PLPPR1: variants seen among roughly 807,000 people sequenced by gnomAD.
PLPPR1 encodes the protein phospholipid phosphatase-related protein type 1.
PLPPR1 carries 10 observed loss-of-function variants against 33.1 expected under a neutral mutation model. That is an observed-to-expected ratio of 0.30 (90% CI 0.19 to 0.51). PLPPR1 has a LOEUF of 0.51. Among genes scored for constraint, PLPPR1 ranks in the 20% least tolerant of loss-of-function variants. PLPPR1 has a pLI of 0.97. For missense variants in PLPPR1, 304 were observed against 408.1 expected, an observed-to-expected ratio of 0.74 and a Z score of 2.20; for synonymous variants, 151 against 151.0, an observed-to-expected ratio of 1.00 and a Z score of 0.00.
In PLPPR1 at chr9:101,205,780, T is replaced by C. The variant is rs559723606; in HGVS notation, c.63+20223T>C. ...CCGTATGCCAGGCACTGAAGTGATATCATATTTGAACTCTCCTGTAAATGG... is the reference window on the plus strand; with the variant it reads ...CCGTATGCCAGGCACTGAAGTGATACCATATTTGAACTCTCCTGTAAATGG... On this transcript the variant is annotated intron_variant, in intron 2 of 7. Coordinates refer to ENST00000374874, the MANE Select transcript of PLPPR1 (RefSeq NM_207299.2). 1.2e-4 allele frequency among the ~76,000 whole-genome samples: 18 copies of C among 152,324 alleles called. 1 individual carries two copies. The South Asian group carries it at 3.7e-3, about 32-fold the overall frequency.
intron 2 of PLPPR1, among the ~76,000 whole-genome samples, chr9:101,208,154 A>G (rs1020572074): frequency 1.3e-5 from 2 of 152,182 alleles, no homozygotes; most frequent in South Asian, 2.1e-4. Flanking sequence ...ACTCATTTAT[A>G]TTGGTTCCAG....
intron 2 of PLPPR1, among the ~76,000 whole-genome samples, chr9:101,189,238 G>A (rs757488517): frequency 2.6e-5 from 4 of 152,016 alleles, no homozygotes; most frequent in African/African-American, 4.8e-5. Flanking sequence ...AATCTGAAGG[G>A]GAGAGCTTTC....
chr9:101,122,168 G>A (rs1462505151), intron 1 of PLPPR1, among the ~76,000 whole-genome samples: 1 of 152,176 alleles, frequency 6.6e-6, no homozygotes, highest in Admixed American at 6.5e-5. Flanking sequence ...TTCAGAAGTA[G>A]CATGTGAGCT....
At chr9:101,095,230 AT>A (rs1830802337) in intron 1 of PLPPR1, among the ~76,000 whole-genome samples, 1 of 151,712 alleles carries the variant, frequency 6.6e-6, no homozygotes, top group Non-Finnish European at 1.5e-5. Flanking sequence ...CCAAGATTTT[AT>A]TTGAATAACA....
At chr9:101,032,387 T>C (rs895500969) in intron 1 of PLPPR1, among the ~76,000 whole-genome samples, 11 of 151,942 alleles carry the variant, frequency 7.2e-5, no homozygotes, top group African/African-American at 2.4e-4. Context: ...ATGATGAGGG[T>C]GGTGGCAGTA....
At chr9:101,126,299 A>T (rs1831245926) in intron 1 of PLPPR1, among the ~76,000 whole-genome samples, 1 of 152,202 alleles carries the variant, frequency 6.6e-6, no homozygotes, top group Admixed American at 6.5e-5. Context: ...AATCAGAACC[A>T]ATCATTCCTG....
At chr9:101,044,186 A>G (rs1830117782) in intron 1 of PLPPR1, among the ~76,000 whole-genome samples, 1 of 152,162 alleles carries the variant, frequency 6.6e-6, no homozygotes, top group Non-Finnish European at 1.5e-5. Context: ...ACAAACAAAC[A>G]AACAATACCA....
intron 4 of PLPPR1, among the ~76,000 whole-genome samples, chr9:101,300,481 A>AT (rs1828732865): frequency 6.6e-6 from 1 of 152,210 alleles, no homozygotes; most frequent in South Asian, 2.1e-4. Flanking sequence ...TTATTACATT[A>AT]GAACATAATG....
chr9:101,109,842 T>A (rs1430074589), intron 1 of PLPPR1, among the ~76,000 whole-genome samples: 1 of 152,222 alleles, frequency 6.6e-6, no homozygotes, highest in Non-Finnish European at 1.5e-5. Context: ...TAGCCATATA[T>A]AATATCTGCC....
chr9:101,215,273 C>G (rs1290394535), intron 2 of PLPPR1, among the ~76,000 whole-genome samples: 1 of 151,796 alleles, frequency 6.6e-6, no homozygotes, highest in Non-Finnish European at 1.5e-5. Flanking sequence ...CTACCTGATA[C>G]TAGGTCTTTT....
intron 1 of PLPPR1, among the ~76,000 whole-genome samples, chr9:101,139,253 C>A (rs766664517): frequency 2.0e-5 from 3 of 152,116 alleles, no homozygotes; most frequent in Non-Finnish European, 4.4e-5. Flanking sequence ...ACTTTGGCTG[C>A]GCCTCTACAT....
At chr9:101,127,575 C>G (rs967824157) in intron 1 of PLPPR1, among the ~76,000 whole-genome samples, 3 of 152,168 alleles carry the variant, frequency 2.0e-5, no homozygotes, top group East Asian at 1.9e-4. Flanking sequence ...TCTTTTAACT[C>G]AAGATACAAT....
intron 1 of PLPPR1, among the ~76,000 whole-genome samples, chr9:101,156,778 G>T (rs180790034): frequency 6.6e-6 from 1 of 152,106 alleles, no homozygotes; most frequent in African/African-American, 2.4e-5. Context: ...AAGAGGAGAG[G>T]GGAAGGCTTT....
At position 101,324,125 on chromosome 9, in the gene PLPPR1, T is replaced by G. The variant is rs1829207634; in HGVS notation, c.*68T>G. 2 of 1,305,610 alleles carry G rather than the reference T, an allele frequency of 1.5e-6. No homozygotes were observed. The highest frequency in any genetic ancestry group is 2.2e-6 in the Non-Finnish European group (2 of 907,110). The allele number at this position is 1,305,610 out of a possible 1,614,324, so 80.9% of individuals were successfully genotyped here. ...AATTCTATACTTCAAAACACACAGT[T>G]GCTCAATGTCAAACTGTGATGACAA... On this transcript the variant is annotated 3_prime_UTR_variant, in exon 8 of 8. Transcript: ENST00000374874.
At chr9:101,161,811 C>T (rs903287311) in intron 1 of PLPPR1, among the ~76,000 whole-genome samples, 1 of 152,060 alleles carries the variant, frequency 6.6e-6, no homozygotes, top group African/African-American at 2.4e-5. Context: ...AGGTTGGGTA[C>T]TTGGACTAGA....
chr9:101,313,765 A>G (rs1338980584), intron 6 of PLPPR1, among the ~76,000 whole-genome samples: 3 of 152,220 alleles, frequency 2.0e-5, no homozygotes, highest in African/African-American at 7.2e-5. Flanking sequence ...TAGGTATACA[A>G]TAAATGACAC....
At chr9:101,286,908 C>A (rs894697782) in intron 4 of PLPPR1, among the ~76,000 whole-genome samples, 6 of 152,160 alleles carry the variant, frequency 3.9e-5, no homozygotes, top group Non-Finnish European at 7.3e-5. Flanking sequence ...TTACAGTATT[C>A]TAATGAGATC....
At chr9:101,166,940 T>C (rs1270178574) in intron 1 of PLPPR1, among the ~76,000 whole-genome samples, 1 of 151,138 alleles carries the variant, frequency 6.6e-6, no homozygotes, top group Non-Finnish European at 1.5e-5. Flanking sequence ...CTTTTTCCTG[T>C]CTCCTGTGAG....
At chr9:101,210,093 G>C (rs939870649) in intron 2 of PLPPR1, among the ~76,000 whole-genome samples, 2 of 152,136 alleles carry the variant, frequency 1.3e-5, no homozygotes, top group South Asian at 4.1e-4. Flanking sequence ...TTTATGTCCT[G>C]ATAATTGCTT....
Sources: allele counts gnomAD v4.1 joint callset (sites outside exome capture counted in the v4.1 genomes callset), GRCh38; gene constraint gnomAD v4.1.1; transcripts MANE v1.5; gene names NCBI Gene and HGNC (gene_info 2026-07-23, HGNC 2026-07-21).